The following CAPS2 variants were observed in gnomAD, a reference collection of about 807,000 sequenced individuals.
CAPS2 encodes calcyphosine 2.
In CAPS2, 98 loss-of-function variants were observed where a neutral mutation model predicts 86.5. That is an observed-to-expected ratio of 1.13 (90% confidence interval 0.96 to 1.34). The LOEUF (loss-of-function observed/expected upper bound fraction) is 1.34, where lower values mean the gene tolerates loss of function less well. Among genes scored for constraint, CAPS2 ranks in the 40% most tolerant of loss-of-function variants. The pLI is 0.00. For synonymous variants in CAPS2, 210 were observed against 225.1 expected, an observed-to-expected ratio of 0.93 and a Z score of 0.60; for missense variants, 729 against 686.8, an observed-to-expected ratio of 1.06 and a Z score of -0.69.
chr12:75,314,104 G>A lies in CAPS2; in HGVS notation c.592-1189C>T, dbSNP rs936970519. Among the ~76,000 whole-genome samples the A allele has an allele frequency of 2.0e-5, 3 of 152,204 alleles. No homozygotes were observed. The East Asian group carries it at 5.8e-4, about 29-fold the overall frequency. On this transcript the variant is annotated intron_variant, in intron 6 of 16. Coordinates refer to ENST00000393284, the Ensembl canonical transcript of CAPS2. ...CTGGTTAACTTTTGTATTTTTAGTAGAGACGGGGTTTTACCATGTTGGCCA... is the reference window on the plus strand; with the variant it reads ...CTGGTTAACTTTTGTATTTTTAGTAAAGACGGGGTTTTACCATGTTGGCCA...
Position 75,303,021 on chromosome 12 carries a change from A to G in CAPS2, c.779+1736T>C, listed in dbSNP as rs184443446. 4.7e-4 allele frequency among the ~76,000 whole-genome samples: 71 copies of G among 152,324 alleles called. No individual in the cohort carries two copies. In the East Asian group the frequency reaches 0.013, roughly 28 times the overall value. ...AAGTGGTCCAACAATTCTACTTCTA[A>G]GTATATACTCAGCAGAAATGAGTAC... On this transcript the variant is annotated intron_variant, in intron 8 of 16. Coordinates refer to ENST00000393284, the Ensembl canonical transcript of CAPS2.
chr12:75,380,093 A>G (rs1012654295), intron 1 of CAPS2, among the ~76,000 whole-genome samples: 1 of 152,156 alleles, frequency 6.6e-6, no homozygotes, highest in African/African-American at 2.4e-5. Context: ...GAACCTAAAA[A>G]GGATGAGGTA....
chr12:75,369,820 T>G, intron 1 of CAPS2: 3 of 1,312,488 alleles, frequency 2.3e-6, no homozygotes, highest in Non-Finnish European at 2.9e-6. Flanking sequence ...TAGGATTGAG[T>G]AGGAAAGTTT....
At chr12:75,319,267 C>T (rs952668721) in intron 5 of CAPS2, among the ~76,000 whole-genome samples, 10 of 152,036 alleles carry the variant, frequency 6.6e-5, no homozygotes, top group Admixed American at 6.6e-4. Flanking sequence ...ATTTAATCCC[C>T]AATGTTGGAG....
intron 1 of CAPS2, among the ~76,000 whole-genome samples, chr12:75,381,460 C>T (rs1414670133): frequency 6.6e-6 from 1 of 151,662 alleles, no homozygotes; most frequent in Non-Finnish European, 1.5e-5. Flanking sequence ...TAGTTATATA[C>T]ACTCCATCAT....
At chr12:75,299,797 A>T in intron 9 of CAPS2, 40 bp downstream of exon 9, 1 of 973,736 alleles carries the variant, frequency 1.0e-6, no homozygotes, top group Non-Finnish European at 1.6e-6. Flanking sequence ...ATACGTTTTT[A>T]TAATCATAGG....
At chr12:75,381,098 AC>A (rs1182775808) in intron 1 of CAPS2, among the ~76,000 whole-genome samples, 1 of 152,174 alleles carries the variant, frequency 6.6e-6, no homozygotes, top group African/African-American at 2.4e-5. Flanking sequence ...CAGAATTCCC[AC>A]ATGTTGTAGG....
In CAPS2 at chr12:75,312,852, A is replaced by G. The variant is rs749169823; in HGVS notation, c.655T>C (p.Ser219Pro). ...TTACCAGTTGCTAATTCTCACCTAG[A>G]TAAGTGGTCTATCATCACTTGCTCT... The change falls in exon 7 of 17, where the codon TCT becomes CCT. Residue 219 changes from serine (S) to proline (P), a missense_variant. Physicochemically the swap from Ser to Pro is moderately conservative, Grantham distance 74. Coordinates refer to ENST00000393284, the Ensembl canonical transcript of CAPS2. The G allele has an allele frequency of 1.3e-6, 2 of 1,563,330 alleles. No homozygotes were observed. The highest frequency in any genetic ancestry group is 1.7e-5 in the Admixed American group (1 of 59,852).
At chr12:75,388,483 GAA>G (rs1295119348) in intron 1 of CAPS2, among the ~76,000 whole-genome samples, 2 of 152,120 alleles carry the variant, frequency 1.3e-5, no homozygotes, top group Non-Finnish European at 2.9e-5. Flanking sequence ...ATCAAGCCAC[GAA>G]AAGACATGGA....
exon 17 of CAPS2, chr12:75,278,840 C>A: frequency 7.1e-7 from 1 of 1,400,566 alleles, no homozygotes; most frequent in Non-Finnish European, 9.3e-7. Flanking sequence ...ACATTGATAT[C>A]ATCTCTCCAA....
chr12:75,304,505 T>C (rs568037480), intron 8 of CAPS2, among the ~76,000 whole-genome samples: 9 of 152,114 alleles, frequency 5.9e-5, no homozygotes, highest in African/African-American at 1.2e-4. Flanking sequence ...ACATCCATTA[T>C]CTCCAAAGGT....
At chr12:75,300,744 C>T (rs1249695661) in intron 8 of CAPS2, among the ~76,000 whole-genome samples, 2 of 151,880 alleles carry the variant, frequency 1.3e-5, no homozygotes, top group Non-Finnish European at 2.9e-5. Context: ...GCCACTATAG[C>T]CACCATGAGA....
chr12:75,277,131 A>T, downstream of CAPS2: 15 of 983,756 alleles, frequency 1.5e-5, no homozygotes, highest in Non-Finnish European at 1.8e-5. Context: ...CCACATGTGA[A>T]TGCTTATGTT....
upstream of CAPS2, among the ~76,000 whole-genome samples, chr12:75,328,264 G>C (rs779126376): frequency 6.6e-6 from 1 of 152,122 alleles, no homozygotes; most frequent in South Asian, 2.1e-4. Context: ...AGATAAGGAC[G>C]CTGAACAATC....
intron 1 of CAPS2, among the ~76,000 whole-genome samples, chr12:75,380,649 A>G (rs2044911832): frequency 1.3e-5 from 2 of 152,214 alleles, no homozygotes; most frequent in Admixed American, 6.5e-5. Flanking sequence ...ATGAGTGAAA[A>G]TAAGAGTATT....
chr12:75,289,515 T>C, intron 14 of CAPS2, 106 bp downstream of exon 14: 1 of 993,996 alleles, frequency 1.0e-6, no homozygotes. Context: ...ATAAAGGGCA[T>C]AGAGAAGGAG....
At chr12:75,347,833 C>A in intron 1 of CAPS2, 1 of 510,748 alleles carries the variant, frequency 2.0e-6, no homozygotes, top group East Asian at 3.4e-5. Context: ...GTAATGACTC[C>A]CTCTACAATG....
chr12:75,354,805 G>A (rs2043044372), intron 1 of CAPS2, among the ~76,000 whole-genome samples: 1 of 152,094 alleles, frequency 6.6e-6, no homozygotes, highest in Admixed American at 6.6e-5. Flanking sequence ...GAACAGAATG[G>A]AGAACTCAGA....
intron 1 of CAPS2, among the ~76,000 whole-genome samples, chr12:75,359,387 T>G (rs985978405): frequency 1.5e-4 from 21 of 139,976 alleles, no homozygotes; most frequent in African/African-American, 4.8e-4. Flanking sequence ...TTTTTTTTTT[T>G]GCTGAATTGA....
Sources: gnomAD v4.1 joint callset for allele counts (sites outside exome capture counted in the v4.1 genomes callset) on GRCh38, gnomAD v4.1.1 for gene constraint, MANE v1.5 for transcripts, NCBI Gene and HGNC (gene_info 2026-07-23, HGNC 2026-07-21) for gene names.